Variants in SLC35F3 observed in about 807,000 individuals in gnomAD.
SLC35F3 encodes the protein solute carrier family 35 member F3, also known as putative thiamine transporter SLC35F3.
In SLC35F3, 25 loss-of-function variants were observed where a neutral mutation model predicts 49.9. The observed-to-expected ratio is 0.50, with a 90% CI of 0.37 to 0.70. The LOEUF (loss-of-function observed/expected upper bound fraction) is 0.70. SLC35F3 is among the 30% of genes least tolerant of loss of function. The probability of loss-of-function intolerance (pLI) is 0.00; values close to 1 mark genes in which losing one functional copy is unlikely to be tolerated. For missense variants in SLC35F3, 525 were observed against 639.8 expected, an observed-to-expected ratio of 0.82 and a Z score of 1.94; for synonymous variants, 275 against 265.4, an observed-to-expected ratio of 1.04 and a Z score of -0.35.
chr1:233,930,133 AG>A (rs1347265663), intron 2 of SLC35F3, among the ~76,000 whole-genome samples: 2 of 144,728 alleles, frequency 1.4e-5, no homozygotes, highest in Non-Finnish European at 3.0e-5. Context: ...TGGCTGCCAG[AG>A]TGAGACCCCA....
intron 2 of SLC35F3, among the ~76,000 whole-genome samples, chr1:234,114,755 C>A (rs1665459096): frequency 6.6e-6 from 1 of 152,106 alleles, no homozygotes; most frequent in Non-Finnish European, 1.5e-5. Context: ...TGGAAAGAGG[C>A]GTTTTTCATT....
At chr1:233,996,038 G>A (rs115043556) in intron 2 of SLC35F3, among the ~76,000 whole-genome samples, 5,161 of 152,160 alleles carry the variant, frequency 0.034, 249 homozygotes, top group African/African-American at 0.11. Flanking sequence ...GCATTTTATT[G>A]ACATCTTTGA....
chr1:234,150,630 G>A (rs749719172), intron 2 of SLC35F3, among the ~76,000 whole-genome samples: 5 of 152,270 alleles, frequency 3.3e-5, no homozygotes, highest in East Asian at 1.9e-4. Context: ...TCTGGCTGCC[G>A]AAAGGTCAGA....
rs576724793 is a variant in SLC35F3, at chr1:234,196,702, G to A, written c.284-34715G>A. ...CACCTGTAAGCCCAGCACTTCAGGA[G>A]GCTGAGGTGGGCGGATCACCTGAGG... On this transcript the variant is annotated intron_variant, in intron 2 of 7. Transcript: ENST00000366618. 5.0e-4 allele frequency among the ~76,000 whole-genome samples: 76 copies of A among 152,358 alleles called. 1 individual carries two copies. Among genetic ancestry groups the A allele is most frequent in the African/African-American group, 1.8e-3 (75 of 41,590 alleles).
At chr1:234,044,247 G>T (rs1320884099) in intron 2 of SLC35F3, among the ~76,000 whole-genome samples, 1 of 152,190 alleles carries the variant, frequency 6.6e-6, no homozygotes, top group Admixed American at 6.5e-5. Context: ...CCAAAAGTCA[G>T]TGCCATGCCC....
intron 2 of SLC35F3, among the ~76,000 whole-genome samples, chr1:233,975,853 G>A (rs75226972): frequency 0.025 from 3,769 of 152,320 alleles, 114 homozygotes; most frequent in East Asian, 0.17. Context: ...TGCCTGTACT[G>A]GCTTTCTGCT....
At chr1:233,918,507 G>T (rs1490871232) in intron 2 of SLC35F3, among the ~76,000 whole-genome samples, 1 of 152,130 alleles carries the variant, frequency 6.6e-6, no homozygotes, top group Non-Finnish European at 1.5e-5. Flanking sequence ...TTAAATTATT[G>T]TATGGGGGCC....
intron 2 of SLC35F3, among the ~76,000 whole-genome samples, chr1:233,911,568 C>A (rs1033078232): frequency 2.0e-5 from 3 of 152,116 alleles, no homozygotes; most frequent in African/African-American, 7.2e-5. Flanking sequence ...TTTAAGGAAA[C>A]GAGGTGACCC....
chr1:233,944,989 T>C (rs1269932771), intron 2 of SLC35F3, among the ~76,000 whole-genome samples: 1 of 152,080 alleles, frequency 6.6e-6, no homozygotes, highest in Non-Finnish European at 1.5e-5. Flanking sequence ...TATTTTGTTT[T>C]GCACTTGGAT....
chr1:233,938,733 T>G (rs1363699302), intron 2 of SLC35F3, among the ~76,000 whole-genome samples: 1 of 150,262 alleles, frequency 6.7e-6, no homozygotes, highest in Non-Finnish European at 1.5e-5. Context: ...TGAATGGAAG[T>G]ATAGGTGGAT....
At chr1:233,972,887 A>G (rs12567347) in intron 2 of SLC35F3, among the ~76,000 whole-genome samples, 62,741 of 152,144 alleles carry the variant, frequency 0.41, 14,095 homozygotes, top group East Asian at 0.77. Context: ...TCACTAAGTA[A>G]CAAGGCTGGA....
intron 2 of SLC35F3, among the ~76,000 whole-genome samples, chr1:234,225,261 TAAAC>T (rs1232869264): frequency 6.6e-6 from 1 of 152,234 alleles, no homozygotes. Flanking sequence ...GTAGAAAAGA[TAAAC>T]AAAGCCTGAA....
At chr1:234,314,348 C>T (rs1387994558) in intron 4 of SLC35F3, among the ~76,000 whole-genome samples, 1 of 152,144 alleles carries the variant, frequency 6.6e-6, no homozygotes, top group African/African-American at 2.4e-5. Context: ...CAATAGAGAA[C>T]AGAGGAAGAG....
chr1:234,103,053 G>T (rs1319289179), intron 2 of SLC35F3, among the ~76,000 whole-genome samples: 1 of 152,196 alleles, frequency 6.6e-6, no homozygotes, highest in Non-Finnish European at 1.5e-5. Context: ...TAAAATATGT[G>T]TATAAGATTA....
intron 2 of SLC35F3, among the ~76,000 whole-genome samples, chr1:234,155,645 A>G (rs972531052): frequency 2.6e-5 from 4 of 152,084 alleles, no homozygotes; most frequent in Admixed American, 1.3e-4. Flanking sequence ...ACACAGTTTA[A>G]TGGAAAGGAA....
intron 2 of SLC35F3, among the ~76,000 whole-genome samples, chr1:233,997,491 A>T (rs1049368332): frequency 6.6e-6 from 1 of 152,080 alleles, no homozygotes; most frequent in African/African-American, 2.4e-5. Context: ...TTCTCCAATG[A>T]TGAGTGAGGC....
chr1:234,268,315 C>A (rs1294293439), intron 3 of SLC35F3, among the ~76,000 whole-genome samples: 1 of 147,844 alleles, frequency 6.8e-6, no homozygotes, highest in East Asian at 2.1e-4. Flanking sequence ...ACCAGTCAGG[C>A]GTGGCGGCGC....
chr1:234,249,304 A>G (rs689345), intron 3 of SLC35F3, among the ~76,000 whole-genome samples: 88,924 of 152,034 alleles, frequency 0.58, 27,781 homozygotes, highest in African/African-American at 0.8. Flanking sequence ...CTTCTTTCAC[A>G]GGTTTTTCCT....
At chr1:234,069,441 G>C (rs1294770908) in intron 2 of SLC35F3, among the ~76,000 whole-genome samples, 2 of 151,674 alleles carry the variant, frequency 1.3e-5, no homozygotes, top group African/African-American at 4.8e-5. Flanking sequence ...ATTTTCAGTA[G>C]AGACGGAGTT....
Sources: allele counts gnomAD v4.1 joint callset (sites outside exome capture counted in the v4.1 genomes callset), GRCh38; gene constraint gnomAD v4.1.1; transcripts MANE v1.5; gene names NCBI Gene and HGNC (gene_info 2026-07-23, HGNC 2026-07-21).